TRIM72: variants seen among roughly 807,000 people sequenced by gnomAD.
TRIM72 encodes tripartite motif containing 72, also known as tripartite motif-containing protein 72.
TRIM72 carries 33 observed loss-of-function variants against 31.6 expected under a neutral mutation model. The observed-to-expected ratio is 1.04, with a 90% CI of 0.79 to 1.40. The LOEUF is 1.40. TRIM72 is among the 40% of genes most tolerant of loss of function. TRIM72 has a pLI of 0.00. For missense variants in TRIM72, 666 were observed against 682.7 expected (o/e 0.98, Z 0.27); for synonymous variants, 301 against 314.4 (o/e 0.96, Z 0.45).
At position 31,215,112 on chromosome 16, in the gene TRIM72, C is replaced by A. The variant is rs2079501409; in HGVS notation, c.374C>A (p.Ala125Asp). The A allele has an allele frequency of 1.4e-6, 2 of 1,444,860 alleles. No homozygotes were observed. The highest frequency in any genetic ancestry group is 1.8e-6 in the Non-Finnish European group (2 of 1,108,074). 89.5% of individuals were successfully genotyped at this position (1,444,860 alleles called of 1,614,324 possible). A position where few individuals can be genotyped will look rare whatever the true frequency, so the allele number is the denominator to read the frequency against. ...CATCGCCTCCTGCCTGCCGCCGAGG[C>A]CCACGCACGCCTCAAGGTGCGGGAT... ...RGHRLLPAAE[A>D]HARLKTQLPQ... The change falls in exon 2 of 7, where the codon GCC becomes GAC. Residue 125 changes from alanine (A) to aspartate (D), a missense_variant. By Grantham distance (126) the Ala-to-Asp change is moderately radical (BLOSUM62 -2). Coordinates refer to ENST00000322122, the MANE Select transcript of TRIM72 (RefSeq NM_001008274.4). This position sits in a 1 kb window ranked among gnomAD's most constrained non-coding sequence, Gnocchi z 6.3.
At position 31,216,298 on chromosome 16, in the gene TRIM72, C is replaced by T. The variant is rs2079507956; in HGVS notation, c.390+1170C>T. 6.4e-6 allele frequency: 1 copy of T among 157,046 alleles called. No homozygotes were observed. Among genetic ancestry groups the T allele is most frequent in the Admixed American group, 6.5e-5 (1 of 15,418 alleles). 9.7% of individuals were successfully genotyped at this position (157,046 alleles called of 1,614,324 possible). On this transcript the variant is annotated intron_variant, in intron 2 of 6. Transcript: ENST00000322122. The surrounding 1 kb of genome is among the most constrained non-coding windows in gnomAD (Gnocchi z 6.7). ...CTAGCTCAGGGCAGGAGCCTCCTCC[C>T]GGGACCCCTCCCATCCCAGCACACC...
In TRIM72 at chr16:31,224,955, CG is replaced by C; in HGVS notation, c.*202del. ...CCTGTAATCCCAGCACTTTGGGAGA[CG>C]GAGGCGGGTGGATCACCTGAGGTCA... On this transcript the variant is annotated 3_prime_UTR_variant, in exon 7 of 7. Transcript: ENST00000322122. 8.3e-6 allele frequency: 4 copies of C among 480,696 alleles called. No homozygotes were observed. Among genetic ancestry groups the C allele is most frequent in the Non-Finnish European group, 1.4e-5 (4 of 289,976 alleles). 29.8% of individuals were successfully genotyped at this position (480,696 alleles called of 1,614,324 possible).
At position 31,228,866 on chromosome 16, in the gene TRIM72, G is replaced by A. The variant is rs1451540274; in HGVS notation, c.*4111G>A. On this transcript the variant is annotated 3_prime_UTR_variant, in exon 7 of 7. Transcript: ENST00000322122. ...CCCAAAGTGCTGGGATTACAGGCAT[G>A]AGCTGTCGGGCCTGGCCCCTGCACT... The A allele has an allele frequency of 6.6e-6, 1 of 152,328 alleles. No individual in the cohort carries two copies. The highest frequency in any genetic ancestry group is 1.5e-5 in the Non-Finnish European group (1 of 68,150). 9.4% of individuals were successfully genotyped at this position (152,328 alleles called of 1,614,324 possible).
rs1168497244 is a variant in TRIM72 at position 31,224,497 on chromosome 16, G to A, written c.1176G>A (p.Glu392=). 32 of 1,489,326 alleles carry A rather than the reference G, an allele frequency of 2.1e-5. No homozygotes were observed. Among genetic ancestry groups the A allele is most frequent in the Non-Finnish European group, 2.7e-5 (30 of 1,128,420 alleles). 92.3% of individuals were successfully genotyped at this position (1,489,326 alleles called of 1,614,324 possible). A position where few individuals can be genotyped will look rare whatever the true frequency, so the allele number is the denominator to read the frequency against. The change falls in exon 7 of 7, where the codon GAG becomes GAA. Residue 392 remains glutamate, a synonymous_variant. Coordinates refer to ENST00000322122, the MANE Select transcript of TRIM72 (RefSeq NM_001008274.4). The part of the protein sequence containing the change: ...LLGLREGKIL[E]AHVEAKEPRA... ...GGCTGCGCGAGGGCAAGATCCTGGA[G>A]GCACACGTGGAGGCCAAGGAGCCGC...
rs774065467 is a variant in TRIM72 at position 31,215,141 on chromosome 16, C to T, written c.390+13C>T. 1.1e-4 allele frequency: 159 copies of T among 1,431,216 alleles called. No homozygotes were observed. Among genetic ancestry groups the T allele is most frequent in the Middle Eastern group, 2.6e-4 (1 of 3,816 alleles). The allele number at this position is 1,431,216 out of a possible 1,614,324, so 88.7% of individuals were successfully genotyped here. A position where few individuals can be genotyped will look rare whatever the true frequency, so the allele number is the denominator to read the frequency against. ...CGCACGCCTCAAGGTGCGGGATCCG[C>T]GCGCATCGTGGTCGGAGGGGCTGTT... On this transcript the variant is annotated intron_variant, in intron 2 of 6. Coordinates refer to ENST00000322122, the MANE Select transcript of TRIM72 (RefSeq NM_001008274.4). This position sits in a 1 kb window ranked among gnomAD's most constrained non-coding sequence, Gnocchi z 6.3.
intron 2 of TRIM72, among the ~76,000 whole-genome samples, chr16:31,217,728 C>T (rs2079516917): frequency 6.6e-6 from 1 of 151,902 alleles, no homozygotes; most frequent in Non-Finnish European, 1.5e-5. Context: ...GATTCTCCTG[C>T]CTCAGCCTCC....
At chr16:31,220,986 ACTCT>A in intron 5 of TRIM72, 68 bp downstream of exon 5, 1 of 1,593,144 alleles carries the variant, frequency 6.3e-7, no homozygotes, top group Non-Finnish European at 8.6e-7. Context: ...CAGCCGGCTC[ACTCT>A]CCACTCACTA....
chr16:31,224,729 G>A lies in TRIM72; in HGVS notation c.1408G>A (p.Val470Met), dbSNP rs544541955. The A allele has an allele frequency of 5.3e-6, 8 of 1,521,430 alleles. No individual in the cohort carries two copies. Among genetic ancestry groups the A allele is most frequent in the Non-Finnish European group, 7.0e-6 (8 of 1,139,338 alleles). 94.2% of individuals were successfully genotyped at this position (1,521,430 alleles called of 1,614,324 possible). A position where few individuals can be genotyped will look rare whatever the true frequency, so the allele number is the denominator to read the frequency against. The change falls in exon 7 of 7, where the codon GTG (valine) becomes ATG (methionine). Residue 470 changes from valine (V) to methionine (M), a missense_variant. Physicochemically the swap from Val to Met is conservative, Grantham distance 21. Coordinates refer to ENST00000322122, the MANE Select transcript of TRIM72 (RefSeq NM_001008274.4). The part of the protein sequence containing the change: ...KGKNAQPLLL[V>M]GPEGAEA The stretch of plus-strand genomic sequence containing the variant: ...CAAGAATGCCCAGCCGCTGCTGCTC[G>A]TGGGTCCCGAAGGCGCCGAGGCCTG...
In TRIM72 at chr16:31,219,080, T is replaced by C. The variant is rs1289343722; in HGVS notation, c.391-15T>C. ...GGGTGGCATCCCCATCACTTCTCCA[T>C]GCCTCGACCCCCAGACACAGCTGCC... On this transcript the variant is annotated splice_polypyrimidine_tract_variant and intron_variant, in intron 2 of 6. Transcript: ENST00000322122. This position sits in a 1 kb window ranked among gnomAD's most constrained non-coding sequence, Gnocchi z 4.2. 1.3e-6 allele frequency: 2 copies of C among 1,555,948 alleles called. No homozygotes were observed. The highest frequency in any genetic ancestry group is 1.7e-6 in the Non-Finnish European group (2 of 1,149,226).
chr16:31,219,951 G>C lies in TRIM72; in HGVS notation c.717+432G>C, dbSNP rs1470267554. Among the ~76,000 whole-genome samples the C allele has an allele frequency of 1.3e-5, 2 of 152,004 alleles. No homozygotes were observed. The highest frequency in any genetic ancestry group is 2.9e-5 in the Non-Finnish European group (2 of 68,018). ...CTAATTTTTTCTATTTTTCAGTAGA[G>C]ACAGGGTTTCACCGTGTTAGCCAGG... is the stretch of plus-strand genomic sequence containing the variant. On this transcript the variant is annotated intron_variant, in intron 4 of 6. Transcript: ENST00000322122. The surrounding 1 kb of genome is among the most constrained non-coding windows in gnomAD (Gnocchi z 4.2).
rs1376515515 is a variant in TRIM72 at position 31,224,617 on chromosome 16, C to T, written c.1296C>T (p.Ala432=). ...TCTCCTTCTACGATGCCAGCGACGC[C>T]GACGCGCTCGTGCCGCTTTTTGCCT... is the stretch of plus-strand genomic sequence containing the variant. ...GVLSFYDASD[A]DALVPLFAFH... The change falls in exon 7 of 7, where the codon GCC becomes GCT. Residue 432 remains alanine (A), a synonymous_variant. Coordinates refer to ENST00000322122, the MANE Select transcript of TRIM72 (RefSeq NM_001008274.4). The T allele has an allele frequency of 4.5e-6, 7 of 1,551,504 alleles. No homozygotes were observed. The highest frequency in any genetic ancestry group is 1.2e-5 in the South Asian group (1 of 85,412).
chr16:31,215,025 A>C lies in TRIM72; in HGVS notation c.287A>C (p.Tyr96Ser). The C allele has an allele frequency of 6.6e-7, 1 of 1,508,250 alleles. No homozygotes were observed. Among genetic ancestry groups the C allele is most frequent in the Non-Finnish European group, 8.8e-7 (1 of 1,136,796 alleles). The allele number at this position is 1,508,250 out of a possible 1,614,324, so 93.4% of individuals were successfully genotyped here. A position where few individuals can be genotyped will look rare whatever the true frequency, so the allele number is the denominator to read the frequency against. ...GAGCACCTGGACCCGCTGAGCATCTACTGCGAGCAGGACCGCGCGCTGGTG... is the reference window on the plus strand; with the variant it reads ...GAGCACCTGGACCCGCTGAGCATCTCCTGCGAGCAGGACCGCGCGCTGGTG... The part of the protein sequence containing the change: ...CEEHLDPLSI[Y>S]CEQDRALVCG... Residue 96 changes from tyrosine to serine, a missense_variant, in exon 2 of 7, where the codon TAC (tyrosine) becomes TCC (serine). Physicochemically the swap from Tyr to Ser is moderately radical, Grantham distance 144 (BLOSUM62 -2). Transcript: ENST00000322122. The surrounding 1 kb of genome is among the most constrained non-coding windows in gnomAD (Gnocchi z 6.3).
Position 31,229,929 on chromosome 16 carries a change from A to C in TRIM72, c.*5174A>C, listed in dbSNP as rs1353046687. On this transcript the variant is annotated 3_prime_UTR_variant, in exon 7 of 7. Transcript: ENST00000322122. The stretch of plus-strand genomic sequence containing the variant: ...ATGGTGAAACCCCATCTTTACTAAA[A>C]ATACAAAAATTAGCCAGGCATGGTG... 6.6e-6 allele frequency: 1 copy of C among 152,188 alleles called. No homozygotes were observed. The highest frequency in any genetic ancestry group is 2.4e-5 in the African/African-American group (1 of 41,436). 9.4% of individuals were successfully genotyped at this position (152,188 alleles called of 1,614,324 possible).
chr16:31,229,152 C>G lies in TRIM72; in HGVS notation c.*4397C>G, dbSNP rs565885622. On this transcript the variant is annotated 3_prime_UTR_variant, in exon 7 of 7. Coordinates refer to ENST00000322122, the MANE Select transcript of TRIM72 (RefSeq NM_001008274.4). ...AATGGGTACTCTGAGAAGCAGATGC[C>G]AAGATAGGATTAAATGGGCAGAGAT... The G allele has an allele frequency of 2.0e-5, 3 of 151,674 alleles. No homozygotes were observed. Among genetic ancestry groups the G allele is most frequent in the South Asian group, 4.2e-4 (2 of 4,790 alleles). 9.4% of individuals were successfully genotyped at this position (151,674 alleles called of 1,614,324 possible).
rs776142717 is a variant in TRIM72 at position 31,216,783 on chromosome 16, G to T, written c.390+1655G>T. 6.2e-7 allele frequency: 1 copy of T among 1,605,188 alleles called. No homozygotes were observed. The highest frequency in any genetic ancestry group is 8.5e-7 in the Non-Finnish European group (1 of 1,173,552). On this transcript the variant is annotated intron_variant, in intron 2 of 6. Coordinates refer to ENST00000322122, the MANE Select transcript of TRIM72 (RefSeq NM_001008274.4). The surrounding 1 kb of genome is among the most constrained non-coding windows in gnomAD (Gnocchi z 6.7). ...CTCACGCAGCCCGCTGCAGCCGTGC[G>T]GCCTCCTCCAACATGCGCATGTCGC... is the stretch of plus-strand genomic sequence containing the variant.
At chr16:31,221,933 G>A (rs1596941784) in intron 5 of TRIM72, among the ~76,000 whole-genome samples, 1 of 151,586 alleles carries the variant, frequency 6.6e-6, no homozygotes, top group Non-Finnish European at 1.5e-5. Flanking sequence ...CTGGGAGAAG[G>A]GCATTGCTGG....
In TRIM72 at chr16:31,217,062, C is replaced by T. The variant is rs754784977; in HGVS notation, c.390+1934C>T. 4.4e-6 allele frequency: 7 copies of T among 1,593,584 alleles called. 1 individual carries two copies. In the Admixed American group the frequency reaches 1.2e-4, roughly 27 times the overall value. On this transcript the variant is annotated intron_variant, in intron 2 of 6. Coordinates refer to ENST00000322122, the MANE Select transcript of TRIM72 (RefSeq NM_001008274.4). ...CCTGCGCCTCTGAGCCTCCGAGGGC[C>T]TGGAGCCATCAGGTCCTACCTTTCC...
At chr16:31,223,512 A>T (rs2079542573) in intron 6 of TRIM72, among the ~76,000 whole-genome samples, 1 of 152,230 alleles carries the variant, frequency 6.6e-6, no homozygotes, top group South Asian at 2.1e-4. Flanking sequence ...ACTAAGGCTC[A>T]GAGACTGGGT....
At position 31,226,757 on chromosome 16, in the gene TRIM72, T is replaced by C. The variant is rs2079556272; in HGVS notation, c.*2002T>C. 6.6e-6 allele frequency: 1 copy of C among 152,264 alleles called. No individual in the cohort carries two copies. Among genetic ancestry groups the C allele is most frequent in the African/African-American group, 2.4e-5 (1 of 41,466 alleles). 9.4% of individuals were successfully genotyped at this position (152,264 alleles called of 1,614,324 possible). On this transcript the variant is annotated 3_prime_UTR_variant, in exon 7 of 7. Coordinates refer to ENST00000322122, the MANE Select transcript of TRIM72 (RefSeq NM_001008274.4). ...ACTGAGGCCAGAGTGAGAGTCCCTC[T>C]TCCCTGGAGGGAGAGGCCTTTGGGG...
Sources: gnomAD v4.1 joint callset for allele counts (sites outside exome capture counted in the v4.1 genomes callset) on GRCh38, gnomAD v4.1.1 for gene constraint, Gnocchi (gnomAD v3.1) non-coding constraint, MANE v1.5 for transcripts, NCBI Gene and HGNC (gene_info 2026-07-23, HGNC 2026-07-21) for gene names.